Variants in RIPPLY3 observed in about 807,000 individuals in gnomAD.
RIPPLY3 encodes protein ripply3.
RIPPLY3 carries 8 observed loss-of-function variants against 11.9 expected under a neutral mutation model. That is an observed-to-expected ratio of 0.67 (90% confidence interval 0.40 to 1.21). The LOEUF (loss-of-function observed/expected upper bound fraction) is 1.21, where lower values mean the gene tolerates loss of function less well. Ranked by LOEUF, RIPPLY3 falls within the 50% of genes most tolerant of loss-of-function variation. The probability of loss-of-function intolerance (pLI) is 0.01; values close to 1 mark genes in which losing one functional copy is unlikely to be tolerated. For missense variants in RIPPLY3, 271 were observed against 246.0 expected, an observed-to-expected ratio of 1.10 and a Z score of -0.68; for synonymous variants, 102 against 99.0, an observed-to-expected ratio of 1.03 and a Z score of -0.18.
intron 1 of RIPPLY3, 58 bp from the exon 2 acceptor site, chr21:37,008,099 A>G: frequency 1.9e-6 from 3 of 1,563,196 alleles, no homozygotes; most frequent in Non-Finnish European, 2.6e-6. Context: ...CTCATGGCAT[A>G]GTTTGAAGGC....
At chr21:37,008,007 C>T (rs1460467764) in intron 1 of RIPPLY3, 150 bp from the exon 2 acceptor site, 6 of 622,340 alleles carry the variant, frequency 9.6e-6, no homozygotes, top group Admixed American at 3.1e-5. Context: ...AGTAATTTAT[C>T]CACAGCCCTG....
intron 3 of RIPPLY3, 58 bp downstream of exon 3, chr21:37,013,676 A>G (rs2069549823): frequency 3.2e-6 from 4 of 1,260,264 alleles, no homozygotes; most frequent in Admixed American, 3.4e-5. Context: ...AGGCATTAAT[A>G]TGCTTTAGTG....
Position 37,018,206 on chromosome 21 carries a change from G to C in RIPPLY3, c.572G>C (p.Ter191SerextTer103). The C allele has an allele frequency of 6.2e-7, 1 of 1,611,976 alleles. No homozygotes were observed. The highest frequency in any genetic ancestry group is 8.5e-7 in the Non-Finnish European group (1 of 1,178,354). ...GGTGGCAAGTGCTCCTCATCCAAAT[G>C]AATCAGTCTCTGTCTCCTGGGCCCT... Reference protein sequence around the residue: ...SRGGKCSSSK* With the variant: ...SRGGKCSSSKS Residue 191 changes from the stop codon to serine, a stop_lost, in exon 4 of 4, where the codon TGA (stop) becomes TCA (serine). Coordinates refer to ENST00000329553, the MANE Select transcript of RIPPLY3 (RefSeq NM_018962.3).
intron 3 of RIPPLY3, among the ~76,000 whole-genome samples, chr21:37,015,230 C>A (rs557056729): frequency 6.6e-6 from 1 of 152,316 alleles, no homozygotes; most frequent in Non-Finnish European, 1.5e-5. Context: ...GTGGCACGAT[C>A]TCGGCTCAAC....
chr21:37,017,958 G>A lies in RIPPLY3; in HGVS notation c.324G>A (p.Thr108=), dbSNP rs756277029. ...TGGCCAGTTTCCCAGTGCAAGCCAC[G>A]ATTGACTTCTACGACGATGAGTCTA... ...QVLASFPVQA[T]IDFYDDESTE... The change falls in exon 4 of 4, where the codon ACG becomes ACA. Residue 108 remains threonine (T), a synonymous_variant. Coordinates refer to ENST00000329553, the MANE Select transcript of RIPPLY3 (RefSeq NM_018962.3). The A allele has an allele frequency of 5.0e-6, 8 of 1,614,188 alleles. No homozygotes were observed. Among genetic ancestry groups the A allele is most frequent in the African/African-American group, 2.7e-5 (2 of 75,056 alleles).
In RIPPLY3 at chr21:37,013,601, G is replaced by GT. The variant is rs750653715; in HGVS notation, c.225dup (p.Gln76SerfsTer35). The GT allele has an allele frequency of 1.2e-6, 2 of 1,613,594 alleles. No individual in the cohort carries two copies. The highest frequency in any genetic ancestry group is 1.7e-6 in the Non-Finnish European group (2 of 1,179,674). ...CTTTTGGATCAAAGGGAGCCTTTGG[G>GT]TTTCAGCATCCTGTAAGGTAATATA... On this transcript the variant is annotated frameshift_variant, in exon 3 of 4. Coordinates refer to ENST00000329553, the MANE Select transcript of RIPPLY3 (RefSeq NM_018962.3). LOFTEE classifies it low-confidence loss of function (END_TRUNC).
At position 37,006,872 on chromosome 21, in the gene RIPPLY3, G is replaced by C. The variant is rs1659546967; in HGVS notation, c.100G>C (p.Glu34Gln). The C allele has an allele frequency of 8.2e-7, 1 of 1,218,632 alleles. No individual in the cohort carries two copies. The highest frequency in any genetic ancestry group is 1.0e-6 in the Non-Finnish European group (1 of 979,158). 75.5% of individuals were successfully genotyped at this position (1,218,632 alleles called of 1,614,324 possible). A position where few individuals can be genotyped will look rare whatever the true frequency, so the allele number is the denominator to read the frequency against. Residue 34 changes from glutamate (E) to glutamine (Q), a missense_variant, in exon 1 of 4, where the codon GAG becomes CAG. Coordinates refer to ENST00000329553, the MANE Select transcript of RIPPLY3 (RefSeq NM_018962.3). The surrounding 1 kb of genome is among the most constrained non-coding windows in gnomAD (Gnocchi z 5.2). Reference protein sequence around the residue: ...PWRPPPPRGPESPAPWRPWIQ... With the variant: ...PWRPPPPRGPQSPAPWRPWIQ... ...GAGGCCTCCGCCACCGCGCGGGCCG[G>C]AGAGGTGAGGGTGGCCCCGCGCCCC...
intron 2 of RIPPLY3, among the ~76,000 whole-genome samples, chr21:37,008,997 C>G (rs1466683269): frequency 6.6e-6 from 1 of 152,116 alleles, no homozygotes; most frequent in Non-Finnish European, 1.5e-5. Flanking sequence ...CACCCCGCGT[C>G]TGGCCCTTTC....
intron 1 of RIPPLY3, 142 bp downstream of exon 1, chr21:37,007,018 A>C (rs1296992439): frequency 4.3e-6 from 2 of 470,034 alleles, no homozygotes; most frequent in Non-Finnish European, 6.6e-6. Context: ...GACGCCAAGC[A>C]AGCTCCTGAG....
chr21:37,013,504 C>A, intron 2 of RIPPLY3, 47 bp from the exon 3 acceptor site: 1 of 1,526,956 alleles, frequency 6.5e-7, no homozygotes, highest in Non-Finnish European at 9.0e-7. Context: ...TGTCACCTTC[C>A]GACACTCCTG....
intron 3 of RIPPLY3, among the ~76,000 whole-genome samples, chr21:37,015,849 C>T (rs1380793276): frequency 2.0e-5 from 3 of 150,854 alleles, no homozygotes; most frequent in Non-Finnish European, 4.4e-5. Flanking sequence ...GCTGGGACTA[C>T]AGGTACAAAC....
chr21:37,008,772 A>C (rs1040083694), intron 2 of RIPPLY3, among the ~76,000 whole-genome samples: 12 of 151,770 alleles, frequency 7.9e-5, no homozygotes, highest in African/African-American at 1.5e-4. Flanking sequence ...AAAAAAAAAA[A>C]AAAAAAAACC....
At position 37,007,400 on chromosome 21, in the gene RIPPLY3, CTTT is replaced by C. The variant is rs895853940; in HGVS notation, c.104+548_104+550del. 2.3e-3 allele frequency among the ~76,000 whole-genome samples: 198 copies of C among 86,280 alleles called. 1 individual carries two copies. Among genetic ancestry groups the C allele is most frequent in the African/African-American group, 9.2e-3 (183 of 19,880 alleles). 56.6% of individuals were successfully genotyped at this position (86,280 alleles called of 152,430 possible). A position where few individuals can be genotyped will look rare whatever the true frequency, so the allele number is the denominator to read the frequency against. On this transcript the variant is annotated intron_variant, in intron 1 of 3. Transcript: ENST00000329553. ...TAGCCAGGCAGGAGAAAGATTCCCTCTTTTTTTTTTTTTTTTTTTTTTTTTTGA... is the reference window on the plus strand; with the variant it reads ...TAGCCAGGCAGGAGAAAGATTCCCTCTTTTTTTTTTTTTTTTTTTTTTTGA...
Position 37,006,808 on chromosome 21 carries a change from G to GCGGGGGCGCGGCTGTCACTGCCC in RIPPLY3, c.42_64dup (p.Asp22GlyfsTer38). ...AAGCGGCGGCCGGAGCCCGGAAGGC[G>GCGGGGGCGCGGCTGTCACTGCCC]CGGGGGCGCGGCTGTCACTGCCCCG... On this transcript the variant is annotated frameshift_variant, in exon 1 of 4. Coordinates refer to ENST00000329553, the MANE Select transcript of RIPPLY3 (RefSeq NM_018962.3). LOFTEE classifies it high-confidence loss of function. This position sits in a 1 kb window ranked among gnomAD's most constrained non-coding sequence, Gnocchi z 5.2. The GCGGGGGCGCGGCTGTCACTGCCC allele has an allele frequency of 1.3e-5, 16 of 1,230,690 alleles. No homozygotes were observed. Among genetic ancestry groups the GCGGGGGCGCGGCTGTCACTGCCC allele is most frequent in the Non-Finnish European group, 1.6e-5 (16 of 987,286 alleles). The allele number at this position is 1,230,690 out of a possible 1,614,324, so 76.2% of individuals were successfully genotyped here. A position where few individuals can be genotyped will look rare whatever the true frequency, so the allele number is the denominator to read the frequency against.
chr21:37,014,798 C>G (rs999117169), intron 3 of RIPPLY3, among the ~76,000 whole-genome samples: 1 of 152,200 alleles, frequency 6.6e-6, no homozygotes, highest in African/African-American at 2.4e-5. Context: ...ACAATCTCAG[C>G]TCACTGCAAC....
At chr21:37,012,653 G>C (rs1441650678) in intron 2 of RIPPLY3, among the ~76,000 whole-genome samples, 1 of 151,998 alleles carries the variant, frequency 6.6e-6, no homozygotes, top group Non-Finnish European at 1.5e-5. Flanking sequence ...TGCGGCCGCT[G>C]CTCTCCTTGA....
chr21:37,007,533 T>C (rs1369960265), intron 1 of RIPPLY3, among the ~76,000 whole-genome samples: 2 of 149,422 alleles, frequency 1.3e-5, no homozygotes, highest in Admixed American at 6.7e-5. Flanking sequence ...CTCAGCCTCC[T>C]GAGTAGCAGG....
intron 3 of RIPPLY3, among the ~76,000 whole-genome samples, chr21:37,015,410 C>T (rs947912381): frequency 1.3e-5 from 2 of 152,152 alleles, no homozygotes; most frequent in African/African-American, 4.8e-5. Flanking sequence ...GTAATCCACC[C>T]GCCTTGGCCT....
At position 37,017,030 on chromosome 21, in the gene RIPPLY3, T is replaced by C. The variant is rs1019717974; in HGVS notation, c.240-844T>C. Among the ~76,000 whole-genome samples, 6 of 151,504 alleles carry C rather than the reference T, an allele frequency of 4.0e-5. No homozygotes were observed. In the East Asian group the frequency reaches 1.2e-3, roughly 30 times the overall value. ...TTAGCCAGGCATGGTGGTGGGTGCC[T>C]GTAATCTCAGCTATTTGGGAGGCTG... On this transcript the variant is annotated intron_variant, in intron 3 of 3. Transcript: ENST00000329553.
Sources: gnomAD v4.1 joint callset for allele counts (sites outside exome capture counted in the v4.1 genomes callset) on GRCh38, gnomAD v4.1.1 for gene constraint, Gnocchi (gnomAD v3.1) non-coding constraint, MANE v1.5 for transcripts, NCBI Gene and HGNC (gene_info 2026-07-23, HGNC 2026-07-21) for gene names.